DCHS2: variants seen among roughly 807,000 people sequenced by gnomAD.
The protein encoded by DCHS2 is dachsous cadherin-related 2.
In DCHS2, 142 loss-of-function variants were observed where a neutral mutation model predicts 182.4. The ratio of observed to expected loss-of-function variants is 0.78; its 90% CI spans 0.68 to 0.89. The LOEUF (loss-of-function observed/expected upper bound fraction) is 0.89, where lower values mean the gene tolerates loss of function less well. DCHS2 is among the 40% of genes least tolerant of loss of function. The pLI is 0.00. For missense variants in DCHS2, 4,319 were observed against 4,198.6 expected, an observed-to-expected ratio of 1.03 and a Z score of -0.79; for synonymous variants, 1,740 against 1,663.3, an observed-to-expected ratio of 1.05 and a Z score of -1.12.
Position 154,328,099 on chromosome 4 carries a change from A to C in DCHS2, c.4012T>G (p.Ser1338Ala). Residue 1338 changes from serine to alanine, a missense_variant, in exon 7 of 20, where the codon TCT (serine) becomes GCT (alanine). Ser to Ala is a moderately conservative substitution (Grantham distance 99). Transcript: ENST00000357232. ...TATGAACAGTAAGTTTTACCTGAAG[A>C]TACTGAGTATGTAACTTCTGCATTA... is the stretch of plus-strand genomic sequence containing the variant. ...GNNAEVTYSV[S>A]SEDSSDHFKI... 2 of 1,598,414 alleles carry C rather than the reference A, an allele frequency of 1.3e-6. No homozygotes were observed. Among genetic ancestry groups the C allele is most frequent in the Non-Finnish European group, 1.7e-6 (2 of 1,172,222 alleles).
intron 3 of DCHS2, chr4:154,343,538 A>G: frequency 7.2e-6 from 11 of 1,525,444 alleles, no homozygotes; most frequent in Non-Finnish European, 8.8e-6. Context: ...TTGCTGCTTC[A>G]TCTTGCACTT....
chr4:154,290,729 A>T (rs914899761), intron 13 of DCHS2, among the ~76,000 whole-genome samples: 38 of 152,270 alleles, frequency 2.5e-4, no homozygotes, highest in Admixed American at 1.8e-3. Flanking sequence ...AAAACTGTAT[A>T]TCCATGTGCA....
intron 13 of DCHS2, among the ~76,000 whole-genome samples, chr4:154,284,034 T>A (rs1050010903): frequency 7.2e-5 from 11 of 152,176 alleles, no homozygotes; most frequent in African/African-American, 2.7e-4. Flanking sequence ...CATTTCCAAT[T>A]ATCTCAAAAA....
chr4:154,292,030 T>C (rs770838064), intron 13 of DCHS2, among the ~76,000 whole-genome samples: 14 of 152,156 alleles, frequency 9.2e-5, no homozygotes, highest in Non-Finnish European at 1.9e-4. Flanking sequence ...TTATTACACA[T>C]TGCATGCCTG....
intron 1 of DCHS2, among the ~76,000 whole-genome samples, chr4:154,414,338 G>A (rs1343649726): frequency 2.6e-5 from 4 of 151,884 alleles, no homozygotes; most frequent in Non-Finnish European, 5.9e-5. Context: ...CTTAAATCTA[G>A]CATTTCTTTA....
At chr4:154,412,141 A>T (rs918166784) in intron 1 of DCHS2, among the ~76,000 whole-genome samples, 3 of 152,222 alleles carry the variant, frequency 2.0e-5, no homozygotes, top group African/African-American at 7.2e-5. Context: ...AGGGAAATAC[A>T]GTTCCCAAAG....
In DCHS2 at chr4:154,332,964, A is replaced by G; in HGVS notation, c.3244T>C (p.Trp1082Arg). 1 of 1,614,244 alleles carries G rather than the reference A, an allele frequency of 6.2e-7. No homozygotes were observed. Among genetic ancestry groups the G allele is most frequent in the South Asian group, 1.1e-5 (1 of 91,088 alleles). ...TGATAGACCAAATGTTCGAAAGTCC[A>G]GGATGGGCTGTGTTCGCGTTTCTCG... is the stretch of plus-strand genomic sequence containing the variant. Reference protein sequence around the residue: ...VIEKREHSPSWTFEHLVYQVE... With the variant: ...VIEKREHSPSRTFEHLVYQVE... Residue 1082 changes from tryptophan to arginine, a missense_variant, in exon 5 of 20, where the codon TGG (tryptophan) becomes CGG (arginine). Trp to Arg is a moderately radical substitution (Grantham distance 101). Transcript: ENST00000357232.
chr4:154,318,150 CA>C (rs1239803665), intron 9 of DCHS2, among the ~76,000 whole-genome samples: 2 of 151,844 alleles, frequency 1.3e-5, no homozygotes, highest in Non-Finnish European at 2.9e-5. Flanking sequence ...TTAATATTAA[CA>C]AACAGGACCA....
At chr4:154,409,695 G>T (rs563947854) in intron 1 of DCHS2, among the ~76,000 whole-genome samples, 1 of 152,296 alleles carries the variant, frequency 6.6e-6, no homozygotes, top group South Asian at 2.1e-4. Context: ...GAGCATTTGT[G>T]TCCTGGAACC....
chr4:154,297,462 T>C (rs534299318), intron 13 of DCHS2, among the ~76,000 whole-genome samples: 5 of 152,214 alleles, frequency 3.3e-5, no homozygotes, highest in Non-Finnish European at 7.3e-5. Flanking sequence ...TCAGAGTAAG[T>C]TCTATTAAAA....
In DCHS2 at chr4:154,236,155, C is replaced by A. The variant is rs1236109792; in HGVS notation, c.8497G>T (p.Asp2833Tyr). 2 of 1,613,718 alleles carry A rather than the reference C, an allele frequency of 1.2e-6. No individual in the cohort carries two copies. Among genetic ancestry groups the A allele is most frequent in the Non-Finnish European group, 1.7e-6 (2 of 1,179,938 alleles). Residue 2833 changes from aspartate (D) to tyrosine (Y), a missense_variant, in exon 20 of 20, where the codon GAT (aspartate) becomes TAT (tyrosine). Coordinates refer to ENST00000357232, the MANE Select transcript of DCHS2 (RefSeq NM_001358235.2). Reference sequence around the variant, plus strand: ...TCAAGGATTTGCTTAGCATGAATATCCCCTGTCAAAGGGTCAATGAGGAAG... The same window carrying A: ...TCAAGGATTTGCTTAGCATGAATATACCCTGTCAAAGGGTCAATGAGGAAG... ...DLFLIDPLTG[D>Y]IHAKQILDYE...
chr4:154,467,070 A>G (rs941575955), intron 1 of DCHS2, among the ~76,000 whole-genome samples: 5 of 152,222 alleles, frequency 3.3e-5, no homozygotes, highest in Admixed American at 6.5e-5. Flanking sequence ...AATAATTTGA[A>G]GAAAATCCAC....
chr4:154,335,432 T>A (rs918065126), intron 3 of DCHS2, among the ~76,000 whole-genome samples: 2 of 152,140 alleles, frequency 1.3e-5, no homozygotes, highest in Non-Finnish European at 2.9e-5. Flanking sequence ...GGGGCACTGG[T>A]TTTTCTCCAG....
intron 3 of DCHS2, chr4:154,357,172 G>T: frequency 7.8e-7 from 1 of 1,284,150 alleles, no homozygotes; most frequent in Non-Finnish European, 1.1e-6. Context: ...TGGCCTTTTT[G>T]GTGAATGCTT....
chr4:154,381,398 C>T (rs547258595), intron 1 of DCHS2, among the ~76,000 whole-genome samples: 11 of 152,126 alleles, frequency 7.2e-5, no homozygotes, highest in East Asian at 3.9e-4. Context: ...TATACACTTT[C>T]GCCACTCCTA....
chr4:154,338,669 A>T (rs1191130947), intron 3 of DCHS2, among the ~76,000 whole-genome samples: 1 of 152,244 alleles, frequency 6.6e-6, no homozygotes, highest in Non-Finnish European at 1.5e-5. Context: ...AACACTGAAA[A>T]TGACCTTAAT....
rs1409404361 is a variant in DCHS2 at position 154,235,417 on chromosome 4, C to G, written c.9235G>C (p.Glu3079Gln). 1.2e-6 allele frequency: 2 copies of G among 1,614,086 alleles called. No individual in the cohort carries two copies. The highest frequency in any genetic ancestry group is 1.7e-6 in the Non-Finnish European group (2 of 1,179,968). Residue 3079 changes from glutamate (E) to glutamine (Q), a missense_variant, in exon 20 of 20, where the codon GAG becomes CAG. Glu to Gln is a conservative substitution (Grantham distance 29). Coordinates refer to ENST00000357232, the MANE Select transcript of DCHS2 (RefSeq NM_001358235.2). The part of the protein sequence containing the change: ...PEWLSLISIM[E>Q]KDIVNLYRHS... Reference sequence around the variant, plus strand: ...CTGTACAGATTGACAATATCCTTCTCCATGATACTTATTAAACTCAACCAT... The same window carrying G: ...CTGTACAGATTGACAATATCCTTCTGCATGATACTTATTAAACTCAACCAT...
chr4:154,308,013 AT>A (rs1578945761), intron 10 of DCHS2, among the ~76,000 whole-genome samples: 4 of 152,128 alleles, frequency 2.6e-5, no homozygotes, highest in South Asian at 2.1e-4. Flanking sequence ...TTCTCCTAAA[AT>A]TTTTTTCCTT....
At chr4:154,333,678 A>G in intron 4 of DCHS2, 184 bp from the exon 5 acceptor site, 2 of 654,244 alleles carry the variant, frequency 3.1e-6, no homozygotes, top group Non-Finnish European at 5.1e-6. Context: ...TTCTGTGCTC[A>G]CATACATAAA....
Sources: gnomAD v4.1 joint callset for allele counts (sites outside exome capture counted in the v4.1 genomes callset) on GRCh38, gnomAD v4.1.1 for gene constraint, MANE v1.5 for transcripts, NCBI Gene and HGNC (gene_info 2026-07-23, HGNC 2026-07-21) for gene names.